Variants in SYN3 observed in about 807,000 individuals in gnomAD.
SYN3 encodes synapsin III, also known as synapsin-3.
SYN3 carries 35 observed loss-of-function variants against 65.8 expected under a neutral mutation model. The ratio of observed to expected loss-of-function variants is 0.53; its 90% CI spans 0.41 to 0.70. The LOEUF is 0.70. SYN3 is among the 30% of genes least tolerant of loss of function. The pLI, the probability that SYN3 is intolerant of heterozygous loss-of-function variation, is 0.00. For synonymous variants in SYN3, 270 were observed against 292.9 expected, an observed-to-expected ratio of 0.92 and a Z score of 0.80; for missense variants, 680 against 749.0, an observed-to-expected ratio of 0.91 and a Z score of 1.08.
At chr22:32,688,669 C>T (rs1347326374) in intron 6 of SYN3, among the ~76,000 whole-genome samples, 14 of 151,638 alleles carry the variant, frequency 9.2e-5, no homozygotes, top group Admixed American at 9.2e-4. Flanking sequence ...TTTTTTTTCA[C>T]CTGCTCCTCA....
rs573812255 is a variant in SYN3, at chr22:32,526,048, C to T, written c.1318+1870G>A. ...CATCAGCAGAAAGGTTACTATTCAC[C>T]TAGGGCTCAGACGATTGTTAGTAAT... On this transcript the variant is annotated intron_variant, in intron 12 of 13. Transcript: ENST00000358763. Among the ~76,000 whole-genome samples the T allele has an allele frequency of 1.8e-4, 27 of 152,294 alleles. No homozygotes were observed. The South Asian group carries it at 5.6e-3, about 32-fold the overall frequency.
intron 4 of SYN3, among the ~76,000 whole-genome samples, chr22:32,910,644 A>G (rs1393957194): frequency 6.6e-6 from 1 of 150,960 alleles, no homozygotes. Flanking sequence ...GGTTGGTGCA[A>G]ACGTAATTGC....
intron 3 of SYN3, among the ~76,000 whole-genome samples, chr22:32,970,863 A>T (rs1337825696): frequency 1.3e-5 from 2 of 152,240 alleles, no homozygotes; most frequent in East Asian, 3.8e-4. Flanking sequence ...TTGTAAAGAC[A>T]AATTCATGAC....
chr22:32,606,891 G>T (rs1009477413), intron 6 of SYN3, among the ~76,000 whole-genome samples: 2 of 150,560 alleles, frequency 1.3e-5, no homozygotes, highest in African/African-American at 2.4e-5. Context: ...TAAGTTTTAG[G>T]GTACATGTGC....
chr22:32,803,390 G>T (rs183372933), intron 6 of SYN3, among the ~76,000 whole-genome samples: 14 of 152,090 alleles, frequency 9.2e-5, no homozygotes, highest in Non-Finnish European at 1.5e-4. Context: ...GGCACTGCTG[G>T]TGGGCTGGGC....
intron 1 of SYN3, among the ~76,000 whole-genome samples, chr22:33,011,195 T>C (rs1473481760): frequency 6.6e-6 from 1 of 152,186 alleles, no homozygotes; most frequent in Non-Finnish European, 1.5e-5. Flanking sequence ...ATTAATGTGG[T>C]GTTAACTAGA....
chr22:32,981,888 T>C (rs994466526), intron 2 of SYN3, among the ~76,000 whole-genome samples: 24 of 152,162 alleles, frequency 1.6e-4, no homozygotes, highest in Non-Finnish European at 1.5e-5. Context: ...CTGTCTCCCC[T>C]ACCCTTTGAA....
At chr22:32,855,801 G>T (rs1264870456) in intron 6 of SYN3, among the ~76,000 whole-genome samples, 1 of 152,064 alleles carries the variant, frequency 6.6e-6, no homozygotes, top group Non-Finnish European at 1.5e-5. Context: ...TTTCCTAGGG[G>T]GGCAAAATTG....
intron 3 of SYN3, among the ~76,000 whole-genome samples, chr22:32,973,870 C>A (rs999391908): frequency 6.6e-6 from 1 of 152,224 alleles, no homozygotes; most frequent in East Asian, 1.9e-4. Flanking sequence ...CCCACTGCAA[C>A]CTCTGCCTCC....
intron 1 of SYN3, among the ~76,000 whole-genome samples, chr22:33,050,495 A>AAAAAC (rs1556251039): frequency 2.0e-5 from 3 of 151,188 alleles, no homozygotes; most frequent in Non-Finnish European, 4.4e-5. Context: ...AAAAAAAAAA[A>AAAAAC]AAAACAAAAC....
intron 6 of SYN3, among the ~76,000 whole-genome samples, chr22:32,640,670 T>C (rs534985552): frequency 1.3e-5 from 2 of 152,150 alleles, no homozygotes; most frequent in South Asian, 4.1e-4. Context: ...ATCGAGACCA[T>C]CCTGGCTGAC....
intron 6 of SYN3, among the ~76,000 whole-genome samples, chr22:32,858,904 A>G (rs2048455239): frequency 6.6e-6 from 1 of 152,202 alleles, no homozygotes; most frequent in Admixed American, 6.5e-5. Context: ...TAATTCTGCT[A>G]CTTACTGGCT....
At chr22:32,826,663 C>A (rs566757247) in intron 6 of SYN3, among the ~76,000 whole-genome samples, 1 of 152,286 alleles carries the variant, frequency 6.6e-6, no homozygotes, top group East Asian at 1.9e-4. Context: ...CTATTCTCTT[C>A]TCTGAACTTC....
At chr22:32,997,040 A>G (rs2052901065) in intron 2 of SYN3, among the ~76,000 whole-genome samples, 1 of 152,202 alleles carries the variant, frequency 6.6e-6, no homozygotes, top group Non-Finnish European at 1.5e-5. Context: ...CAGGAGCAGT[A>G]GAGGAGGGGC....
At chr22:32,611,122 C>T (rs1190782730) in intron 6 of SYN3, among the ~76,000 whole-genome samples, 1 of 152,130 alleles carries the variant, frequency 6.6e-6, no homozygotes, top group Non-Finnish European at 1.5e-5. Flanking sequence ...CCTAACTGGG[C>T]AGCTCATGAA....
At chr22:32,619,751 T>C (rs1390006280) in intron 6 of SYN3, among the ~76,000 whole-genome samples, 1 of 152,190 alleles carries the variant, frequency 6.6e-6, no homozygotes, top group African/African-American at 2.4e-5. Context: ...CTTGAGACTT[T>C]CTTTGGCCAA....
intron 3 of SYN3, among the ~76,000 whole-genome samples, chr22:32,975,573 T>A (rs941405676): frequency 1.3e-5 from 2 of 152,090 alleles, no homozygotes; most frequent in African/African-American, 4.8e-5. Context: ...ATTACAGGCG[T>A]GAGCTACTGC....
At chr22:32,908,814 G>C (rs539462910) in intron 4 of SYN3, among the ~76,000 whole-genome samples, 35 of 152,232 alleles carry the variant, frequency 2.3e-4, no homozygotes, top group African/African-American at 8.4e-4. Context: ...GATTTAGATG[G>C]AGACCATTGA....
chr22:33,041,686 C>T (rs1188084992), intron 1 of SYN3, among the ~76,000 whole-genome samples: 2 of 152,174 alleles, frequency 1.3e-5, no homozygotes, highest in Non-Finnish European at 2.9e-5. Context: ...ATCCTCTTAC[C>T]TGCCATGCAT....
Sources: allele counts gnomAD v4.1 joint callset (sites outside exome capture counted in the v4.1 genomes callset), GRCh38; gene constraint gnomAD v4.1.1; transcripts MANE v1.5; gene names NCBI Gene and HGNC (gene_info 2026-07-23, HGNC 2026-07-21).